The following SCYL2 variants were observed in gnomAD, a reference collection of about 807,000 sequenced individuals.
SCYL2 encodes the protein SCY1-like protein 2.
SCYL2 carries 36 observed loss-of-function variants against 100.4 expected under a neutral mutation model. That is an observed-to-expected ratio of 0.36 (90% CI 0.27 to 0.47). The LOEUF (loss-of-function observed/expected upper bound fraction) is 0.47, where lower values mean the gene tolerates loss of function less well. Ranked by LOEUF, SCYL2 falls within the 20% of genes least tolerant of loss-of-function variation. The probability of loss-of-function intolerance (pLI) is 1.00; values close to 1 mark genes in which losing one functional copy is unlikely to be tolerated. For missense variants in SCYL2, 902 were observed against 1,083.9 expected (o/e 0.83, Z 2.36); for synonymous variants, 330 against 359.2 (o/e 0.92, Z 0.92).
Position 100,329,208 on chromosome 12 carries a change from C to T in SCYL2, c.1650C>T (p.Tyr550=), listed in dbSNP as rs1438747582. Residue 550 remains tyrosine (Y), a synonymous_variant, in exon 13 of 18, where the codon TAC becomes TAT. Coordinates refer to ENST00000360820, the MANE Select transcript of SCYL2 (RefSeq NM_017988.6). The part of the protein sequence containing the change: ...PAVLMGILGI[Y]KCTFTHKKLG... ...CACATTCTTTTCTATCAGGTATTTA[C>T]AAATGTACTTTTACTCATAAGAAGT... is the stretch of plus-strand genomic sequence containing the variant. 1 of 1,545,816 alleles carries T rather than the reference C, an allele frequency of 6.5e-7. No individual in the cohort carries two copies. Among genetic ancestry groups the T allele is most frequent in the Non-Finnish European group, 8.9e-7 (1 of 1,118,620 alleles).
chr12:100,270,436 TA>T (rs923674076), intron 1 of SCYL2, among the ~76,000 whole-genome samples: 4 of 151,456 alleles, frequency 2.6e-5, no homozygotes, highest in Admixed American at 2.0e-4. Flanking sequence ...GCTACTGCTT[TA>T]AAAAAAAATT....
At chr12:100,284,428 T>G (rs2096302247) in intron 2 of SCYL2, among the ~76,000 whole-genome samples, 1 of 152,238 alleles carries the variant, frequency 6.6e-6, no homozygotes, top group Non-Finnish European at 1.5e-5. Flanking sequence ...GGATATAGGT[T>G]CAAATTTTCT....
intron 4 of SCYL2, among the ~76,000 whole-genome samples, chr12:100,310,219 G>A (rs1369830824): frequency 1.3e-5 from 2 of 152,086 alleles, no homozygotes; most frequent in Admixed American, 6.6e-5. Flanking sequence ...GGCTGGTCTC[G>A]AACTCCTGAC....
intron 1 of SCYL2, among the ~76,000 whole-genome samples, chr12:100,276,245 C>T (rs112839745): frequency 8.7e-4 from 132 of 152,100 alleles, no homozygotes; most frequent in African/African-American, 3.1e-3. Context: ...TGATGATATA[C>T]CCTATTCATT....
chr12:100,295,461 C>T (rs1362293634), intron 3 of SCYL2, among the ~76,000 whole-genome samples: 3 of 152,006 alleles, frequency 2.0e-5, no homozygotes, highest in Non-Finnish European at 4.4e-5. Context: ...CTCGGGAGGC[C>T]GAGGCTGGCG....
At position 100,314,563 on chromosome 12, in the gene SCYL2, G is replaced by T; in HGVS notation, c.1044G>T (p.Gln348His). 6.2e-7 allele frequency: 1 copy of T among 1,602,214 alleles called. No individual in the cohort carries two copies. The highest frequency in any genetic ancestry group is 8.5e-7 in the Non-Finnish European group (1 of 1,176,176). ...FDTLFQRDNL[Q>H]KSQFFKGLPK... Reference sequence around the variant, plus strand: ...CCTTATTCCAAAGAGATAATCTTCAGAAATCACAGTTTTTCAAAGGACTGC... The same window carrying T: ...CCTTATTCCAAAGAGATAATCTTCATAAATCACAGTTTTTCAAAGGACTGC... The change falls in exon 8 of 18, where the codon CAG becomes CAT. Residue 348 changes from glutamine (Q) to histidine (H), a missense_variant. Physicochemically the swap from Gln to His is conservative, Grantham distance 24. Coordinates refer to ENST00000360820, the MANE Select transcript of SCYL2 (RefSeq NM_017988.6).
chr12:100,317,713 G>A, intron 9 of SCYL2, 90 bp from the exon 10 acceptor site: 1 of 1,450,654 alleles, frequency 6.9e-7, no homozygotes. Flanking sequence ...AAATATATGA[G>A]TTATTCTTTT....
rs375771544 is a variant in SCYL2, at chr12:100,282,466, C to T, written c.-28-477C>T. 2.3e-3 allele frequency among the ~76,000 whole-genome samples: 247 copies of T among 108,556 alleles called. 36 individuals are homozygous for T. Among genetic ancestry groups the T allele is most frequent in the Middle Eastern group, 5.3e-3 (1 of 188 alleles). 71.2% of individuals were successfully genotyped at this position (108,556 alleles called of 152,430 possible). A position where few individuals can be genotyped will look rare whatever the true frequency, so the allele number is the denominator to read the frequency against. ...TCAGCCTCCCAAGTAGCTGGGACTACGGGCACCTGCCACCACGCCTGGCTA... is the reference window on the plus strand; with the variant it reads ...TCAGCCTCCCAAGTAGCTGGGACTATGGGCACCTGCCACCACGCCTGGCTA... On this transcript the variant is annotated intron_variant, in intron 1 of 17. Coordinates refer to ENST00000360820, the MANE Select transcript of SCYL2 (RefSeq NM_017988.6).
At position 100,315,695 on chromosome 12, in the gene SCYL2, T is replaced by A. The variant is rs766375852; in HGVS notation, c.1233T>A (p.Pro411=). The A allele has an allele frequency of 1.2e-6, 2 of 1,611,698 alleles. No individual in the cohort carries two copies. The highest frequency in any genetic ancestry group is 4.5e-5 in the East Asian group (2 of 44,840). The change falls in exon 9 of 18, where the codon CCT becomes CCA. Residue 411 remains proline, a synonymous_variant. Transcript: ENST00000360820. The part of the protein sequence containing the change: ...TKEEYVKLIL[P]ELGPVFKQQE... ...AAGAATATGTCAAATTAATTCTTCC[T>A]GAACTTGGCCCTGTGTTTAAGCAGC... is the stretch of plus-strand genomic sequence containing the variant.
chr12:100,286,386 A>T (rs1028097250), intron 2 of SCYL2, among the ~76,000 whole-genome samples: 2 of 152,202 alleles, frequency 1.3e-5, no homozygotes, highest in Non-Finnish European at 2.9e-5. Flanking sequence ...AAATTGATTC[A>T]TTTAACATTT....
chr12:100,334,252 G>A lies in SCYL2; in HGVS notation c.1848G>A (p.Met616Ile), dbSNP rs767337013. Residue 616 changes from methionine (M) to isoleucine (I), a missense_variant, in exon 14 of 18, where the codon ATG (methionine) becomes ATA (isoleucine). Coordinates refer to ENST00000360820, the MANE Select transcript of SCYL2 (RefSeq NM_017988.6). ...CTAAACTGGAGCAACTTCATATAAT[G>A]CAAGAACAGCAGAAGTAAGTAGGTT... ...HKTKLEQLHI[M>I]QEQQKSLDIG... The A allele has an allele frequency of 5.7e-6, 9 of 1,575,634 alleles. No homozygotes were observed. In the South Asian group the frequency reaches 1.0e-4, roughly 17 times the overall value.
intron 7 of SCYL2, 53 bp downstream of exon 7, chr12:100,313,591 G>A (rs2096344880): frequency 7.4e-6 from 7 of 945,528 alleles, no homozygotes; most frequent in East Asian, 5.0e-5. Context: ...ATGAGTTGAA[G>A]TAGATTAAGT....
intron 13 of SCYL2, among the ~76,000 whole-genome samples, chr12:100,330,582 C>A (rs986895384): frequency 1.3e-5 from 2 of 152,022 alleles, no homozygotes; most frequent in African/African-American, 4.8e-5. Flanking sequence ...ATGGAAAAGA[C>A]TGAGTTGGGT....
At chr12:100,281,244 G>T (rs1186796000) in intron 1 of SCYL2, among the ~76,000 whole-genome samples, 1 of 151,836 alleles carries the variant, frequency 6.6e-6, no homozygotes, top group East Asian at 1.9e-4. Flanking sequence ...TCCCAGGCTG[G>T]TCTTGAACTC....
chr12:100,318,076 A>G, intron 10 of SCYL2, 151 bp downstream of exon 10: 1 of 682,166 alleles, frequency 1.5e-6, no homozygotes, highest in Non-Finnish European at 2.2e-6. Flanking sequence ...ATATACTGTA[A>G]CTAAAATATA....
At chr12:100,322,401 A>G (rs1276789699) in intron 10 of SCYL2, among the ~76,000 whole-genome samples, 1 of 146,720 alleles carries the variant, frequency 6.8e-6, no homozygotes, top group East Asian at 2.0e-4. Flanking sequence ...AAAGAAAACT[A>G]AAAAAAAAAG....
At chr12:100,273,096 TAG>T (rs1275950784) in intron 1 of SCYL2, among the ~76,000 whole-genome samples, 2 of 152,166 alleles carry the variant, frequency 1.3e-5, no homozygotes, top group Non-Finnish European at 2.9e-5. Context: ...CTCTGCTTGA[TAG>T]AGTGATTGAT....
intron 10 of SCYL2, among the ~76,000 whole-genome samples, chr12:100,318,680 T>C (rs528718747): frequency 6.6e-6 from 1 of 152,324 alleles, no homozygotes; most frequent in African/African-American, 2.4e-5. Context: ...TTTCCCATAC[T>C]CATAATTTTC....
At chr12:100,294,464 G>A (rs2096315438) in intron 3 of SCYL2, among the ~76,000 whole-genome samples, 1 of 118,984 alleles carries the variant, frequency 8.4e-6, no homozygotes, top group Admixed American at 7.9e-5. Flanking sequence ...CGGCCGGGCA[G>A]AGGCGCCCCT....
Sources: gnomAD v4.1 joint callset for allele counts (sites outside exome capture counted in the v4.1 genomes callset) on GRCh38, gnomAD v4.1.1 for gene constraint, MANE v1.5 for transcripts, NCBI Gene and HGNC (gene_info 2026-07-23, HGNC 2026-07-21) for gene names.